Variants in EPHA7 observed in about 807,000 individuals in gnomAD.
EPHA7 encodes the protein ephrin type-A receptor 7.
Under a neutral mutation model 112.6 loss-of-function variants are expected in EPHA7, and 25 were observed. The observed-to-expected ratio is 0.22, with a 90% CI of 0.16 to 0.31. The LOEUF is 0.31. Among genes scored for constraint, EPHA7 ranks in the 10% least tolerant of loss-of-function variants. The pLI is 1.00. For synonymous variants in EPHA7, 437 were observed against 406.5 expected, an observed-to-expected ratio of 1.07 and a Z score of -0.90; for missense variants, 962 against 1,212.6, an observed-to-expected ratio of 0.79 and a Z score of 3.07.
At chr6:93,416,852 G>A (rs1166011342) in intron 1 of EPHA7, among the ~76,000 whole-genome samples, 2 of 152,032 alleles carry the variant, frequency 1.3e-5, no homozygotes, top group Non-Finnish European at 2.9e-5. Flanking sequence ...CGCGGGCAAA[G>A]GCTGGCGTCC....
chr6:93,371,034 G>A (rs968735077), intron 3 of EPHA7, among the ~76,000 whole-genome samples: 1 of 151,644 alleles, frequency 6.6e-6, no homozygotes, highest in Admixed American at 6.6e-5. Context: ...CGTGGCGGCG[G>A]GAGCCTGTAG....
intron 3 of EPHA7, chr6:93,409,617 T>A (rs1226081112): frequency 2.0e-5 from 3 of 151,946 alleles, no homozygotes; most frequent in African/African-American, 4.8e-5. Context: ...TTATTTTTAA[T>A]GTATTATGTT....
intron 2 of EPHA7, among the ~76,000 whole-genome samples, chr6:93,411,424 G>A (rs956461778): frequency 6.6e-6 from 1 of 152,054 alleles, no homozygotes; most frequent in Non-Finnish European, 1.5e-5. Context: ...GAGTATATTA[G>A]TGTTTCTTTT....
intron 4 of EPHA7, among the ~76,000 whole-genome samples, chr6:93,357,843 G>A (rs1309532380): frequency 1.3e-5 from 2 of 151,846 alleles, no homozygotes; most frequent in Non-Finnish European, 2.9e-5. Context: ...TGGTAGAGAC[G>A]GGGTTTCACC....
chr6:93,334,442 A>C (rs1774755949), intron 5 of EPHA7, among the ~76,000 whole-genome samples: 1 of 152,062 alleles, frequency 6.6e-6, no homozygotes, highest in Admixed American at 6.6e-5. Flanking sequence ...CTATCAAGAG[A>C]GTAAACAGAC....
At chr6:93,398,292 G>A (rs994774387) in intron 3 of EPHA7, among the ~76,000 whole-genome samples, 2 of 151,818 alleles carry the variant, frequency 1.3e-5, no homozygotes, top group African/African-American at 4.8e-5. Context: ...AAACATCTTG[G>A]CTGAGTTCCT....
In EPHA7 at chr6:93,245,348, G is replaced by C; in HGVS notation, c.2832C>G (p.Phe944Leu). 1 of 1,613,558 alleles carries C rather than the reference G, an allele frequency of 6.2e-7. No homozygotes were observed. The highest frequency in any genetic ancestry group is 8.5e-7 in the Non-Finnish European group (1 of 1,179,886). Residue 944 changes from phenylalanine to leucine, a missense_variant, in exon 16 of 17, where the codon TTC (phenylalanine) becomes TTG (leucine). Phe to Leu is a conservative substitution (Grantham distance 22, BLOSUM62 0). Coordinates refer to ENST00000369303, the MANE Select transcript of EPHA7 (RefSeq NM_004440.4). ...CAAGGGAATTGTAGCCAGCTGCCGT[G>C]AAATTATCTTTATATCTTTCCATCT... The part of the protein sequence containing the change: ...AIKMERYKDN[F>L]TAAGYNSLES...
intron 3 of EPHA7, among the ~76,000 whole-genome samples, chr6:93,375,119 T>C (rs1776989447): frequency 6.6e-6 from 1 of 152,136 alleles, no homozygotes; most frequent in South Asian, 2.1e-4. Context: ...AATAATATCA[T>C]TAAAAAATAT....
At chr6:93,251,600 A>G (rs1440687181) in intron 14 of EPHA7, among the ~76,000 whole-genome samples, 1 of 136,622 alleles carries the variant, frequency 7.3e-6, no homozygotes, top group Admixed American at 7.9e-5. Context: ...ATACTAATGT[A>G]AGAAAAATAC....
chr6:93,316,813 A>G (rs1052300867), intron 5 of EPHA7, among the ~76,000 whole-genome samples: 2 of 152,168 alleles, frequency 1.3e-5, no homozygotes, highest in Non-Finnish European at 2.9e-5. Flanking sequence ...GCATTATTAG[A>G]TTCTCTGAAT....
At chr6:93,367,224 G>A (rs894564225) in intron 3 of EPHA7, among the ~76,000 whole-genome samples, 4 of 152,272 alleles carry the variant, frequency 2.6e-5, no homozygotes, top group Non-Finnish European at 1.5e-5. Context: ...ACAATTAGGA[G>A]AGTTCTTACC....
rs560358803 is a variant in EPHA7, at chr6:93,343,032, T to C, written c.1324+13685A>G. Among the ~76,000 whole-genome samples, 11 of 151,876 alleles carry C rather than the reference T, an allele frequency of 7.2e-5. No individual in the cohort carries two copies. The East Asian group carries it at 2.1e-3, about 29-fold the overall frequency. On this transcript the variant is annotated intron_variant, in intron 5 of 16. Coordinates refer to ENST00000369303, the MANE Select transcript of EPHA7 (RefSeq NM_004440.4). ...AATAATAATAACCTAAGCATAAAAG[T>C]TGAACACTTTTTGTTCTTTGGAAAA...
intron 5 of EPHA7, among the ~76,000 whole-genome samples, chr6:93,298,168 AT>A (rs1200764997): frequency 6.6e-6 from 1 of 152,152 alleles, no homozygotes; most frequent in African/African-American, 2.4e-5. Flanking sequence ...TTGGAAAAAA[AT>A]ATTAGTCTTT....
intron 3 of EPHA7, among the ~76,000 whole-genome samples, chr6:93,391,825 A>G (rs1777922573): frequency 6.6e-6 from 1 of 151,774 alleles, no homozygotes; most frequent in Non-Finnish European, 1.5e-5. Context: ...TTCCGAATTT[A>G]CCTTCCAATT....
chr6:93,284,996 TA>T (rs1256416568), intron 5 of EPHA7, among the ~76,000 whole-genome samples: 2 of 152,012 alleles, frequency 1.3e-5, no homozygotes, highest in African/African-American at 2.4e-5. Flanking sequence ...AAAGTATAAT[TA>T]AAAAAAAGTA....
At chr6:93,336,192 A>G (rs1051959996) in intron 5 of EPHA7, among the ~76,000 whole-genome samples, 4 of 152,310 alleles carry the variant, frequency 2.6e-5, no homozygotes, top group East Asian at 3.9e-4. Flanking sequence ...ATCATCACAT[A>G]ACTTATATTT....
chr6:93,389,392 T>C (rs1444895364), intron 3 of EPHA7, among the ~76,000 whole-genome samples: 1 of 152,066 alleles, frequency 6.6e-6, no homozygotes, highest in Non-Finnish European at 1.5e-5. Flanking sequence ...AGAGATTAAA[T>C]AGCTTTCGCT....
intron 3 of EPHA7, among the ~76,000 whole-genome samples, chr6:93,373,856 A>C (rs1000605105): frequency 6.6e-6 from 1 of 152,132 alleles, no homozygotes; most frequent in Non-Finnish European, 1.5e-5. Context: ...AAGGTAAAAA[A>C]AAAATCACTT....
chr6:93,315,268 C>T (rs1309400249), intron 5 of EPHA7, among the ~76,000 whole-genome samples: 1 of 152,092 alleles, frequency 6.6e-6, no homozygotes. Flanking sequence ...GGGTTTAAAT[C>T]TCTGATTAAA....
Sources: gnomAD v4.1 joint callset for allele counts (sites outside exome capture counted in the v4.1 genomes callset) on GRCh38, gnomAD v4.1.1 for gene constraint, MANE v1.5 for transcripts, NCBI Gene and HGNC (gene_info 2026-07-23, HGNC 2026-07-21) for gene names.